The following ICA1L variants were observed in gnomAD, a reference collection of about 807,000 sequenced individuals.
ICA1L encodes the protein islet cell autoantigen 1 like.
A neutral mutation model predicts 61.3 loss-of-function variants in ICA1L; 50 were observed. The ratio of observed to expected loss-of-function variants is 0.82; its 90% confidence interval spans 0.65 to 1.03. The LOEUF (loss-of-function observed/expected upper bound fraction) is 1.03. Ranked by LOEUF, ICA1L falls within the 50% of genes least tolerant of loss-of-function variation. The pLI is 0.00. For missense variants in ICA1L, 508 were observed against 556.7 expected (o/e 0.91, Z 0.88); for synonymous variants, 161 against 191.3 (o/e 0.84, Z 1.31).
chr2:202,843,603 GCA>G (rs1305096251), intron 1 of ICA1L, among the ~76,000 whole-genome samples: 2 of 152,224 alleles, frequency 1.3e-5, no homozygotes, highest in Non-Finnish European at 2.9e-5. Context: ...TGGAGGTACT[GCA>G]GTTCTGAGTT....
intron 1 of ICA1L, chr2:202,840,727 C>A: frequency 1.7e-6 from 1 of 599,682 alleles, no homozygotes; most frequent in Non-Finnish European, 3.2e-6. Context: ...GCTCGGAGAG[C>A]TTGGCATTGG....
intron 2 of ICA1L, among the ~76,000 whole-genome samples, chr2:202,827,424 C>T (rs899634769): frequency 6.6e-5 from 10 of 151,876 alleles, no homozygotes; most frequent in Non-Finnish European, 1.3e-4. Context: ...GATAGTTCTA[C>T]TAAGATGAAG....
intron 1 of ICA1L, among the ~76,000 whole-genome samples, chr2:202,857,716 A>C (rs1369754307): frequency 6.6e-6 from 1 of 152,204 alleles, no homozygotes; most frequent in Non-Finnish European, 1.5e-5. Context: ...AAATTTTTGC[A>C]ATCTATCCTT....
In ICA1L at chr2:202,797,057, T is replaced by C. The variant is rs186816006; in HGVS notation, c.911-93A>G. 5.4e-5 allele frequency: 36 copies of C among 665,752 alleles called. 1 individual carries two copies. The highest frequency in any genetic ancestry group is 4.1e-4 in the African/African-American group (23 of 55,466). The allele number at this position is 665,752 out of a possible 1,614,324, so 41.2% of individuals were successfully genotyped here. On this transcript the variant is annotated intron_variant, in intron 9 of 12. Coordinates refer to ENST00000358299, the MANE Select transcript of ICA1L (RefSeq NM_001288622.3). ...GTCTATCATTAGGTCAAGTGTTCAA[T>C]TGACCAAATCAGAATCGAAAACATA...
intron 5 of ICA1L, among the ~76,000 whole-genome samples, chr2:202,819,128 ATAT>A (rs1693627471): frequency 6.6e-6 from 1 of 152,220 alleles, no homozygotes; most frequent in Non-Finnish European, 1.5e-5. Context: ...TCAGTATTAA[ATAT>A]TATGATTTAT....
intron 1 of ICA1L, chr2:202,841,500 C>A: frequency 1.3e-6 from 1 of 754,738 alleles, no homozygotes; most frequent in Non-Finnish European, 2.4e-6. Context: ...GGGTCCTTCT[C>A]CTGGGTGCAC....
At chr2:202,832,899 AAGG>A (rs1694052893) in intron 1 of ICA1L, among the ~76,000 whole-genome samples, 1 of 152,142 alleles carries the variant, frequency 6.6e-6, no homozygotes, top group East Asian at 1.9e-4. Flanking sequence ...TGGGAGGAGG[AAGG>A]AGGAGAACCC....
At position 202,773,586 on chromosome 2, in the gene ICA1L, C is replaced by T. The variant is rs1442762228; in HGVS notation, c.*5947G>A. ...TAAAAGAAGCGTCTGCAACTTAAGC[C>T]GTCCACAGTCCTAAGCCTGATATGC... On this transcript the variant is annotated 3_prime_UTR_variant, in exon 13 of 13. Transcript: ENST00000358299. 4 of 476,776 alleles carry T rather than the reference C, an allele frequency of 8.4e-6. No homozygotes were observed. Among genetic ancestry groups the T allele is most frequent in the East Asian group, 3.4e-5 (1 of 29,092 alleles). The allele number at this position is 476,776 out of a possible 1,614,324, so 29.5% of individuals were successfully genotyped here.
intron 1 of ICA1L, among the ~76,000 whole-genome samples, chr2:202,869,131 G>A (rs1190246253): frequency 6.6e-6 from 1 of 151,722 alleles, no homozygotes; most frequent in East Asian, 1.9e-4. Context: ...AGGCTGAGGC[G>A]GGCGGATCAC....
Position 202,776,959 on chromosome 2 carries a change from G to A in ICA1L, c.*2574C>T, listed in dbSNP as rs2105809857. ...CAGGGACTTCCTTGCACACATGTGA[G>A]GGAGATAAATATCTCAGAACTAATG... is the stretch of plus-strand genomic sequence containing the variant. On this transcript the variant is annotated 3_prime_UTR_variant, in exon 13 of 13. Coordinates refer to ENST00000358299, the MANE Select transcript of ICA1L (RefSeq NM_001288622.3). The A allele has an allele frequency of 6.6e-6, 1 of 151,594 alleles. No individual in the cohort carries two copies. The highest frequency in any genetic ancestry group is 2.1e-4 in the South Asian group (1 of 4,808). 9.4% of individuals were successfully genotyped at this position (151,594 alleles called of 1,614,324 possible).
intron 12 of ICA1L, among the ~76,000 whole-genome samples, chr2:202,780,624 G>A (rs146169793): frequency 1.3e-5 from 2 of 152,290 alleles, no homozygotes; most frequent in Admixed American, 1.3e-4. Flanking sequence ...TCACAGTGTG[G>A]AGGGTAGAAG....
chr2:202,800,875 A>G (rs943921573), intron 9 of ICA1L, among the ~76,000 whole-genome samples: 3 of 152,248 alleles, frequency 2.0e-5, no homozygotes, highest in Admixed American at 1.3e-4. Flanking sequence ...TAAGTAAATC[A>G]GGCTGATTTA....
intron 1 of ICA1L, among the ~76,000 whole-genome samples, chr2:202,842,886 A>T (rs1694370270): frequency 6.6e-6 from 1 of 152,128 alleles, no homozygotes; most frequent in African/African-American, 2.4e-5. Flanking sequence ...TTGAGTTCAC[A>T]TATTAATTCT....
At position 202,775,756 on chromosome 2, in the gene ICA1L, T is replaced by G. The variant is rs1692200198; in HGVS notation, c.*3777A>C. The G allele has an allele frequency of 6.6e-6, 1 of 152,238 alleles. No homozygotes were observed. The highest frequency in any genetic ancestry group is 1.5e-5 in the Non-Finnish European group (1 of 68,068). The allele number at this position is 152,238 out of a possible 1,614,324, so 9.4% of individuals were successfully genotyped here. A position where few individuals can be genotyped will look rare whatever the true frequency, so the allele number is the denominator to read the frequency against. ...GTGGTCTCAAACTCCCAACTTCAAGTGATCTGCCTGCCTTGGCCTCCCAAA... is the reference window on the plus strand; with the variant it reads ...GTGGTCTCAAACTCCCAACTTCAAGGGATCTGCCTGCCTTGGCCTCCCAAA... On this transcript the variant is annotated 3_prime_UTR_variant, in exon 13 of 13. Coordinates refer to ENST00000358299, the MANE Select transcript of ICA1L (RefSeq NM_001288622.3).
chr2:202,777,404 C>CA lies in ICA1L; in HGVS notation c.*2128dup, dbSNP rs1316324288. The CA allele has an allele frequency of 6.6e-6, 1 of 152,026 alleles. No individual in the cohort carries two copies. Among genetic ancestry groups the CA allele is most frequent in the East Asian group, 1.9e-4 (1 of 5,188 alleles). 9.4% of individuals were successfully genotyped at this position (152,026 alleles called of 1,614,324 possible). A position where few individuals can be genotyped will look rare whatever the true frequency, so the allele number is the denominator to read the frequency against. On this transcript the variant is annotated 3_prime_UTR_variant, in exon 13 of 13. Coordinates refer to ENST00000358299, the MANE Select transcript of ICA1L (RefSeq NM_001288622.3). ...CAAAAGTTGAGAGCATCAGAGTCAC[C>CA]ATGGGTATAGAATTCAGATTGGGAT...
chr2:202,797,132 T>TGTGTGTGTGTG (rs1692952663), intron 9 of ICA1L, among the ~76,000 whole-genome samples, 168 bp from the exon 10 acceptor site: 1 of 147,726 alleles, frequency 6.8e-6, no homozygotes, highest in Non-Finnish European at 1.5e-5. Flanking sequence ...AAAATCACAT[T>TGTGTGTGTGTG]TGTGTGTGTG....
rs138747901 is a variant in ICA1L at position 202,785,970 on chromosome 2, T to A, written c.1281A>T (p.Ser427=). 3 of 1,610,422 alleles carry A rather than the reference T, an allele frequency of 1.9e-6. No individual in the cohort carries two copies. The African/African-American group carries it at 4.0e-5, about 22-fold the overall frequency. Residue 427 remains serine, a synonymous_variant, in exon 12 of 13, where the codon TCA becomes TCT. Coordinates refer to ENST00000358299, the MANE Select transcript of ICA1L (RefSeq NM_001288622.3). The part of the protein sequence containing the change: ...VSQEESELCL[S]HTDNQPVPSQ... ...AAGGCACTGGCTGGTTATCAGTGTG[T>A]GAAAGACAAAGTTCTGATTCCTCTT...
At chr2:202,842,418 CAAGTA>C (rs1240896888) in intron 1 of ICA1L, among the ~76,000 whole-genome samples, 1 of 152,108 alleles carries the variant, frequency 6.6e-6, no homozygotes, top group African/African-American at 2.4e-5. Context: ...TCTACTTTGT[CAAGTA>C]AAGTATTGTT....
intron 9 of ICA1L, among the ~76,000 whole-genome samples, chr2:202,807,162 G>A (rs1269652193): frequency 6.6e-6 from 1 of 152,224 alleles, no homozygotes; most frequent in African/African-American, 2.4e-5. Flanking sequence ...AACATCGGGT[G>A]AGAGATCACA....
Sources: allele counts gnomAD v4.1 joint callset (sites outside exome capture counted in the v4.1 genomes callset), GRCh38; gene constraint gnomAD v4.1.1; transcripts MANE v1.5; gene names NCBI Gene and HGNC (gene_info 2026-07-23, HGNC 2026-07-21).